CYSTM1: variants seen among roughly 807,000 people sequenced by gnomAD.
CYSTM1 encodes cysteine rich transmembrane module containing 1, also known as cysteine-rich transmembrane module-containing protein 1.
Under a neutral mutation model 13.1 loss-of-function variants are expected in CYSTM1, and 4 were observed. The ratio of observed to expected loss-of-function variants is 0.31; its 90% CI spans 0.15 to 0.70. CYSTM1 has a LOEUF of 0.70. CYSTM1 is among the 30% of genes least tolerant of loss of function. CYSTM1 has a pLI of 0.72. For missense variants in CYSTM1, 96 were observed against 121.6 expected, an observed-to-expected ratio of 0.79 and a Z score of 0.99; for synonymous variants, 36 against 42.7, an observed-to-expected ratio of 0.84 and a Z score of 0.62.
chr5:140,235,030 G>T (rs984008927), intron 2 of CYSTM1, among the ~76,000 whole-genome samples: 1 of 149,602 alleles, frequency 6.7e-6, no homozygotes, highest in Non-Finnish European at 1.5e-5. Flanking sequence ...TCAGTGGCGC[G>T]ATCTCGGCTT....
chr5:140,227,658 G>A (rs554293107), intron 2 of CYSTM1, among the ~76,000 whole-genome samples: 1 of 152,102 alleles, frequency 6.6e-6, no homozygotes, highest in Non-Finnish European at 1.5e-5. Flanking sequence ...GGCCACTGGG[G>A]CTAGGAGCCC....
At chr5:140,209,012 C>T (rs1348091922) in intron 2 of CYSTM1, among the ~76,000 whole-genome samples, 2 of 149,418 alleles carry the variant, frequency 1.3e-5, no homozygotes, top group Admixed American at 6.7e-5. Context: ...GCACTCCAGC[C>T]TGGGTGACAG....
chr5:140,195,603 G>A lies in CYSTM1; in HGVS notation c.187+951G>A, dbSNP rs187823213. On this transcript the variant is annotated intron_variant, in intron 2 of 2. Coordinates refer to ENST00000261811, the MANE Select transcript of CYSTM1 (RefSeq NM_032412.4). ...ACTACAGGCGCCTGCCACCACGCCC[G>A]GCTAATTTTTTGTATTTTTAGCAGA... Among the ~76,000 whole-genome samples, 471 of 151,334 alleles carry A rather than the reference G, an allele frequency of 3.1e-3. 4 individuals are homozygous for A. Among genetic ancestry groups the A allele is most frequent in the African/African-American group, 0.011 (451 of 41,408 alleles).
chr5:140,192,020 G>A (rs1764101096), intron 1 of CYSTM1, among the ~76,000 whole-genome samples: 1 of 152,284 alleles, frequency 6.6e-6, no homozygotes. Context: ...GCAGAGAAGG[G>A]AAAGAACTCT....
chr5:140,201,368 G>C (rs1764223098), intron 2 of CYSTM1: 1 of 152,028 alleles, frequency 6.6e-6, no homozygotes, highest in Admixed American at 6.6e-5. Context: ...TATCATCTAG[G>C]TAGTCTATAT....
intron 2 of CYSTM1, among the ~76,000 whole-genome samples, chr5:140,209,579 G>A (rs1283318801): frequency 3.3e-5 from 5 of 151,876 alleles, no homozygotes; most frequent in Non-Finnish European, 7.4e-5. Flanking sequence ...ACAGGTGCCT[G>A]CCACCATGCC....
chr5:140,209,269 CTTTT>C (rs70988736), intron 2 of CYSTM1, among the ~76,000 whole-genome samples: 2 of 137,334 alleles, frequency 1.5e-5, no homozygotes, highest in Non-Finnish European at 1.6e-5. Context: ...TCTTTCTTTT[CTTTT>C]TTTTTTTTTT....
chr5:140,218,970 T>TA (rs1313016889), intron 2 of CYSTM1, among the ~76,000 whole-genome samples: 1 of 152,218 alleles, frequency 6.6e-6, no homozygotes, highest in Admixed American at 6.5e-5. Context: ...TTTTCCACCT[T>TA]ACAGTTTTCA....
chr5:140,225,790 G>A (rs754657292), intron 2 of CYSTM1, among the ~76,000 whole-genome samples: 2 of 152,224 alleles, frequency 1.3e-5, no homozygotes, highest in Non-Finnish European at 2.9e-5. Flanking sequence ...TTTTCCTGCC[G>A]TGAATCTACT....
At position 140,239,428 on chromosome 5, in the gene CYSTM1, T is replaced by A. The variant is rs779243261; in HGVS notation, c.188-3877T>A. ...ATCCTGGGACCAAGGGGACTACTGG[T>A]TGGTGTGTCTGGTGGCCAAAGTGGC... On this transcript the variant is annotated intron_variant, in intron 2 of 2. Transcript: ENST00000261811. This position sits in a 1 kb window ranked among gnomAD's most constrained non-coding sequence, Gnocchi z 5.4. Among the ~76,000 whole-genome samples the A allele has an allele frequency of 6.6e-6, 1 of 152,114 alleles. No homozygotes were observed. Among genetic ancestry groups the A allele is most frequent in the Non-Finnish European group, 1.5e-5 (1 of 68,006 alleles).
At chr5:140,240,406 T>G (rs1036368317) in intron 2 of CYSTM1, among the ~76,000 whole-genome samples, 1 of 151,616 alleles carries the variant, frequency 6.6e-6, no homozygotes, top group Non-Finnish European at 1.5e-5. Context: ...ACACCTGGGT[T>G]GGGGCCACCT....
At chr5:140,183,126 C>T (rs886748784) in intron 1 of CYSTM1, among the ~76,000 whole-genome samples, 5 of 152,210 alleles carry the variant, frequency 3.3e-5, no homozygotes, top group Admixed American at 1.3e-4. Flanking sequence ...TGGGAGGAGG[C>T]AGGCAGAGCC....
At chr5:140,220,979 T>C (rs1356327361) in intron 2 of CYSTM1, among the ~76,000 whole-genome samples, 1 of 152,186 alleles carries the variant, frequency 6.6e-6, no homozygotes, top group East Asian at 1.9e-4. Flanking sequence ...AGCTCAGCTC[T>C]GGTGTCTTTT....
chr5:140,232,374 C>G (rs887490932), intron 2 of CYSTM1, among the ~76,000 whole-genome samples: 3 of 151,982 alleles, frequency 2.0e-5, no homozygotes, highest in Non-Finnish European at 4.4e-5. Flanking sequence ...TGAGTAAGAT[C>G]AACTTGGATG....
chr5:140,227,160 C>T (rs1264524454), intron 2 of CYSTM1, among the ~76,000 whole-genome samples: 2 of 152,160 alleles, frequency 1.3e-5, no homozygotes, highest in Non-Finnish European at 2.9e-5. Context: ...TGCCGTCTTC[C>T]CCAGAACCTG....
At chr5:140,185,685 C>T (rs1044744586) in intron 1 of CYSTM1, among the ~76,000 whole-genome samples, 1 of 152,182 alleles carries the variant, frequency 6.6e-6, no homozygotes, top group Non-Finnish European at 1.5e-5. Context: ...GCACTGCTAC[C>T]ATCTTTAAAA....
At chr5:140,192,498 T>C (rs1028128209) in intron 1 of CYSTM1, among the ~76,000 whole-genome samples, 4 of 152,232 alleles carry the variant, frequency 2.6e-5, no homozygotes, top group Admixed American at 2.6e-4. Flanking sequence ...TGTTATAAAG[T>C]CATCTGGAAT....
intron 2 of CYSTM1, among the ~76,000 whole-genome samples, chr5:140,220,623 G>T (rs951642237): frequency 6.6e-6 from 1 of 152,092 alleles, no homozygotes; most frequent in Non-Finnish European, 1.5e-5. Context: ...GGACTCCTCT[G>T]CAGGGTTGGC....
intron 1 of CYSTM1, among the ~76,000 whole-genome samples, chr5:140,190,476 T>A (rs1362751973): frequency 3.9e-5 from 6 of 152,196 alleles, no homozygotes; most frequent in Admixed American, 3.9e-4. Context: ...GTCTCCCCAA[T>A]TATTAGTATC....
Sources: allele counts gnomAD v4.1 joint callset (sites outside exome capture counted in the v4.1 genomes callset), GRCh38; gene constraint gnomAD v4.1.1; non-coding constraint Gnocchi (gnomAD v3.1); transcripts MANE v1.5; gene names NCBI Gene and HGNC (gene_info 2026-07-23, HGNC 2026-07-21).